PRKAR2A: variants seen among roughly 807,000 people sequenced by gnomAD.
The protein encoded by PRKAR2A is cAMP-dependent protein kinase type II-alpha regulatory subunit.
Under a neutral mutation model 51.9 loss-of-function variants are expected in PRKAR2A, and 29 were observed. That is an observed-to-expected ratio of 0.56 (90% CI 0.42 to 0.76). The LOEUF (loss-of-function observed/expected upper bound fraction) is 0.76. PRKAR2A is among the 30% of genes least tolerant of loss of function. The pLI is 0.00. For synonymous variants in PRKAR2A, 178 were observed against 186.2 expected, an observed-to-expected ratio of 0.96 and a Z score of 0.36; for missense variants, 445 against 512.1, an observed-to-expected ratio of 0.87 and a Z score of 1.26.
chr3:48,763,947 C>T (rs1249886121), intron 8 of PRKAR2A, among the ~76,000 whole-genome samples: 1 of 152,068 alleles, frequency 6.6e-6, no homozygotes, highest in Admixed American at 6.6e-5. Flanking sequence ...TTTGTTAGTC[C>T]TTTATCTCTT....
chr3:48,808,542 C>T (rs577830748), intron 1 of PRKAR2A, among the ~76,000 whole-genome samples: 12 of 151,174 alleles, frequency 7.9e-5, no homozygotes, highest in South Asian at 2.1e-4. Context: ...CGTGAGCCAC[C>T]GCGCCTGGCC....
In PRKAR2A at chr3:48,765,283, A is replaced by G; in HGVS notation, c.763T>C (p.Phe255Leu). 6.2e-7 allele frequency: 1 copy of G among 1,612,810 alleles called. No homozygotes were observed. Among genetic ancestry groups the G allele is most frequent in the Non-Finnish European group, 8.5e-7 (1 of 1,179,292 alleles). Reference protein sequence around the residue: ...NAKKRKMFESFIESVPLLKSL... With the variant: ...NAKKRKMFESLIESVPLLKSL... ...TTAAGGAGGGGCACAGACTCAATAA[A>G]TGATTCAAACATCTTCCTCTTCTTT... The change falls in exon 7 of 11, where the codon TTT (phenylalanine) becomes CTT (leucine). Residue 255 changes from phenylalanine to leucine, a missense_variant. Transcript: ENST00000265563.
intron 6 of PRKAR2A, among the ~76,000 whole-genome samples, chr3:48,769,999 T>A (rs2082006376): frequency 6.6e-6 from 1 of 151,980 alleles, no homozygotes; most frequent in African/African-American, 2.4e-5. Context: ...TGGTCTTGAA[T>A]TCCTAGGCTC....
chr3:48,763,512 C>T (rs2081893436), intron 8 of PRKAR2A, among the ~76,000 whole-genome samples: 1 of 152,126 alleles, frequency 6.6e-6, no homozygotes, highest in Non-Finnish European at 1.5e-5. Flanking sequence ...TTGAATGTTA[C>T]TTAAAGCACC....
chr3:48,800,890 G>T lies in PRKAR2A; in HGVS notation c.298+6759C>A, dbSNP rs112021353. 1.8e-3 allele frequency among the ~76,000 whole-genome samples: 279 copies of T among 151,968 alleles called. 3 individuals are homozygous for T. The highest frequency in any genetic ancestry group is 2.9e-3 in the Non-Finnish European group (200 of 67,988). On this transcript the variant is annotated intron_variant, in intron 2 of 10. Coordinates refer to ENST00000265563, the MANE Select transcript of PRKAR2A (RefSeq NM_004157.4). ...GGGTTTCACCGTGTTAGCCAGGATGGTCTCCATCTCCCGACCTCGTGATCC... is the reference window on the plus strand; with the variant it reads ...GGGTTTCACCGTGTTAGCCAGGATGTTCTCCATCTCCCGACCTCGTGATCC...
At chr3:48,771,098 T>C (rs7429596) in intron 6 of PRKAR2A, among the ~76,000 whole-genome samples, 128,078 of 152,060 alleles carry the variant, frequency 0.84, 54,615 homozygotes, top group East Asian at 1. Flanking sequence ...TGGTGGCACA[T>C]GTGCACACGT....
In PRKAR2A at chr3:48,747,850, C is replaced by T. The variant is rs2081582787; in HGVS notation, c.*3735G>A. On this transcript the variant is annotated 3_prime_UTR_variant, in exon 11 of 11. Transcript: ENST00000265563. Reference sequence around the variant, plus strand: ...CCAACACATGCTCCTCTCCATGAGGCTCAACCGTCAGTGCAGGGCTTGCCT... The same window carrying T: ...CCAACACATGCTCCTCTCCATGAGGTTCAACCGTCAGTGCAGGGCTTGCCT... 1 of 152,248 alleles carries T rather than the reference C, an allele frequency of 6.6e-6. No individual in the cohort carries two copies. The highest frequency in any genetic ancestry group is 2.4e-5 in the African/African-American group (1 of 41,458). The allele number at this position is 152,248 out of a possible 1,614,324, so 9.4% of individuals were successfully genotyped here.
chr3:48,779,810 A>C (rs1396356996), intron 5 of PRKAR2A, among the ~76,000 whole-genome samples: 2 of 149,152 alleles, frequency 1.3e-5, no homozygotes, highest in Non-Finnish European at 3.0e-5. Flanking sequence ...TAAATAAATA[A>C]ATAAATAAAT....
intron 6 of PRKAR2A, among the ~76,000 whole-genome samples, chr3:48,770,124 T>C (rs2082008177): frequency 6.6e-6 from 1 of 152,056 alleles, no homozygotes; most frequent in Admixed American, 6.6e-5. Flanking sequence ...AACTCTCTTT[T>C]CATGTGGTGC....
In PRKAR2A at chr3:48,847,469, G is replaced by T. The variant is rs747107238; in HGVS notation, c.128C>A (p.Ala43Asp). Residue 43 changes from alanine to aspartate, a missense_variant, in exon 1 of 11, where the codon GCC (alanine) becomes GAC (aspartate). Coordinates refer to ENST00000265563, the MANE Select transcript of PRKAR2A (RefSeq NM_004157.4). This position sits in a 1 kb window ranked among gnomAD's most constrained non-coding sequence, Gnocchi z 4.4. ...GGGCAGGACTGAGGCTGGGGCGCGG[G>T]CCTCGCGCAGGCGGGTGAAGTACTC... ...AVEYFTRLRE[A>D]RAPASVLPAA... 7 of 1,567,856 alleles carry T rather than the reference G, an allele frequency of 4.5e-6. No homozygotes were observed. The highest frequency in any genetic ancestry group is 6.1e-6 in the Non-Finnish European group (7 of 1,156,776).
intron 6 of PRKAR2A, among the ~76,000 whole-genome samples, chr3:48,768,130 C>A (rs374564869): frequency 6.6e-6 from 1 of 150,866 alleles, no homozygotes; most frequent in African/African-American, 2.4e-5. Context: ...CCCATCTGTA[C>A]AAAAAATACA....
intron 1 of PRKAR2A, among the ~76,000 whole-genome samples, chr3:48,819,965 C>T (rs1479908439): frequency 1.3e-5 from 2 of 152,206 alleles, no homozygotes; most frequent in East Asian, 1.9e-4. Flanking sequence ...ACTCCCAACT[C>T]TGCCTACTAC....
intron 5 of PRKAR2A, among the ~76,000 whole-genome samples, chr3:48,779,659 A>G (rs1455640969): frequency 1.3e-5 from 2 of 151,472 alleles, no homozygotes; most frequent in Non-Finnish European, 2.9e-5. Context: ...GGGTGCCTGT[A>G]ATCCCAGCTA....
chr3:48,792,223 C>T (rs1169431689), intron 3 of PRKAR2A, among the ~76,000 whole-genome samples: 1 of 151,304 alleles, frequency 6.6e-6, no homozygotes, highest in Non-Finnish European at 1.5e-5. Context: ...CTCACTGCAA[C>T]CTCCACCTCC....
At chr3:48,821,083 A>G (rs188635038) in intron 1 of PRKAR2A, among the ~76,000 whole-genome samples, 55 of 152,320 alleles carry the variant, frequency 3.6e-4, no homozygotes, top group Non-Finnish European at 3.2e-4. Context: ...CAGTAGGACA[A>G]GGGTGGAATG....
chr3:48,798,078 G>A (rs997749991), intron 2 of PRKAR2A, among the ~76,000 whole-genome samples: 4 of 152,002 alleles, frequency 2.6e-5, no homozygotes, highest in South Asian at 2.1e-4. Context: ...TCAGCCTCCT[G>A]AGCAGGTGGG....
At chr3:48,770,658 G>C (rs987763724) in intron 6 of PRKAR2A, among the ~76,000 whole-genome samples, 1 of 152,144 alleles carries the variant, frequency 6.6e-6, no homozygotes, top group Non-Finnish European at 1.5e-5. Flanking sequence ...AAAGCAAGGA[G>C]AAGAGGAAAT....
intron 1 of PRKAR2A, among the ~76,000 whole-genome samples, chr3:48,833,154 G>GC (rs1259571833): frequency 6.6e-6 from 1 of 152,046 alleles, no homozygotes; most frequent in Non-Finnish European, 1.5e-5. Flanking sequence ...TCCTTCCTCA[G>GC]CCCCCCAAGT....
chr3:48,783,233 C>T, intron 4 of PRKAR2A, 141 bp from the exon 5 acceptor site: 2 of 628,680 alleles, frequency 3.2e-6, no homozygotes, highest in Admixed American at 2.7e-5. Context: ...GAAACAAATG[C>T]TTTCCTGGGA....
Sources: gnomAD v4.1 joint callset for allele counts (sites outside exome capture counted in the v4.1 genomes callset) on GRCh38, gnomAD v4.1.1 for gene constraint, Gnocchi (gnomAD v3.1) non-coding constraint, MANE v1.5 for transcripts, NCBI Gene and HGNC (gene_info 2026-07-23, HGNC 2026-07-21) for gene names.